GAD2: variants seen among roughly 807,000 people sequenced by gnomAD.
GAD2 encodes 65 kDa glutamic acid decarboxylase.
A neutral mutation model predicts 80.1 loss-of-function variants in GAD2; 22 were observed. That is an observed-to-expected ratio of 0.27 (90% CI 0.20 to 0.39). The LOEUF (loss-of-function observed/expected upper bound fraction) is 0.39. Among genes scored for constraint, GAD2 ranks in the 10% least tolerant of loss-of-function variants. The pLI, the probability that GAD2 is intolerant of heterozygous loss-of-function variation, is 1.00. For missense variants in GAD2, 624 were observed against 738.4 expected (o/e 0.85, Z 1.80); for synonymous variants, 274 against 256.9 (o/e 1.07, Z -0.64).
At chr10:26,261,931 T>G (rs772319523) in intron 8 of GAD2, among the ~76,000 whole-genome samples, 9 of 152,230 alleles carry the variant, frequency 5.9e-5, no homozygotes, top group Non-Finnish European at 1.3e-4. Flanking sequence ...TTCCTAGTAG[T>G]ACACACCTTT....
At position 26,275,756 on chromosome 10, in the gene GAD2, C is replaced by G. The variant is rs149090668; in HGVS notation, c.1157+2056C>G. The stretch of plus-strand genomic sequence containing the variant: ...TGACATTTTTCCAAGCTCCGCAAAC[C>G]AAAGTTTAGAACTCACCCTAAAAGT... On this transcript the variant is annotated intron_variant, in intron 11 of 15. Transcript: ENST00000376261. Among the ~76,000 whole-genome samples, 801 of 152,308 alleles carry G rather than the reference C, an allele frequency of 5.3e-3. 10 individuals are homozygous for G. The highest frequency in any genetic ancestry group is 0.018 in the African/African-American group (759 of 41,560).
At chr10:26,256,496 G>A (rs112450088) in intron 8 of GAD2, among the ~76,000 whole-genome samples, 3,775 of 152,236 alleles carry the variant, frequency 0.025, 68 homozygotes, top group Middle Eastern at 0.078. Context: ...GGGATCACAC[G>A]TGGCATTTAG....
At chr10:26,293,172 CTTTT>C (rs987030977) in intron 15 of GAD2, among the ~76,000 whole-genome samples, 181 bp downstream of exon 15, 48 of 96,424 alleles carry the variant, frequency 5.0e-4, no homozygotes, top group Middle Eastern at 6.8e-3. Flanking sequence ...CATTTTTCTT[CTTTT>C]TTTTTTTTTT....
chr10:26,222,469 C>T (rs184890411), intron 4 of GAD2, among the ~76,000 whole-genome samples: 3 of 151,930 alleles, frequency 2.0e-5, no homozygotes, highest in East Asian at 1.9e-4. Context: ...ATTTCAGCTG[C>T]GAGCATAATG....
intron 11 of GAD2, among the ~76,000 whole-genome samples, chr10:26,277,293 G>C (rs184259578): frequency 6.6e-6 from 1 of 152,354 alleles, no homozygotes; most frequent in Admixed American, 6.5e-5. Context: ...GTCATGGGTG[G>C]AAAGTGCAGA....
intron 4 of GAD2, 37 bp downstream of exon 4, chr10:26,219,313 G>C: frequency 7.8e-7 from 1 of 1,288,580 alleles, no homozygotes; most frequent in Non-Finnish European, 1.1e-6. Context: ...CTCTTTTTTC[G>C]TTTACAATTT....
At chr10:26,256,216 G>T (rs1844940827) in intron 8 of GAD2, among the ~76,000 whole-genome samples, 1 of 151,816 alleles carries the variant, frequency 6.6e-6, no homozygotes, top group African/African-American at 2.4e-5. Flanking sequence ...AATATTGTAT[G>T]TATTAATTAT....
chr10:26,249,834 G>A (rs1175471056), intron 8 of GAD2, among the ~76,000 whole-genome samples: 2 of 152,110 alleles, frequency 1.3e-5, no homozygotes, highest in Non-Finnish European at 2.9e-5. Context: ...AGACCAAGAA[G>A]GGAAAACAGA....
upstream of GAD2, chr10:26,216,678 G>C (rs1338484868): frequency 3.6e-6 from 2 of 555,798 alleles, no homozygotes; most frequent in African/African-American, 2.0e-5. This position sits in a 1 kb window ranked among gnomAD's most constrained non-coding sequence, Gnocchi z 4.7. Context: ...CGCCCTCGCC[G>C]CTCGGCCCCG....
chr10:26,266,978 T>C (rs1165585284), intron 8 of GAD2, among the ~76,000 whole-genome samples: 1 of 152,226 alleles, frequency 6.6e-6, no homozygotes, highest in Non-Finnish European at 1.5e-5. Flanking sequence ...GTTGCCTTAT[T>C]TGAAAAATGA....
intron 11 of GAD2, 78 bp downstream of exon 11, chr10:26,273,778 G>T: frequency 8.1e-7 from 1 of 1,238,682 alleles, no homozygotes; most frequent in Non-Finnish European, 1.2e-6. Flanking sequence ...CAATTTCCAG[G>T]AACTTTTGGA....
intron 12 of GAD2, 39 bp downstream of exon 12, chr10:26,281,126 G>C: frequency 1.4e-6 from 2 of 1,426,530 alleles, no homozygotes; most frequent in Non-Finnish European, 2.0e-6. Flanking sequence ...TCCGTGCGTG[G>C]GCTTTGACTG....
chr10:26,227,903 G>C (rs918541182), intron 6 of GAD2, among the ~76,000 whole-genome samples: 3 of 152,222 alleles, frequency 2.0e-5, no homozygotes, highest in African/African-American at 7.2e-5. Flanking sequence ...CAGAAAGGAA[G>C]GAATCGCCCT....
At chr10:26,232,227 G>A (rs900530344) in intron 7 of GAD2, among the ~76,000 whole-genome samples, 28 of 152,244 alleles carry the variant, frequency 1.8e-4, no homozygotes, top group African/African-American at 6.5e-4. Context: ...AAAAAGTCCA[G>A]ATGATCTTTT....
rs765338722 is a variant in GAD2, at chr10:26,219,229, A to G, written c.473A>G (p.Glu158Gly). The G allele has an allele frequency of 2.5e-6, 4 of 1,613,734 alleles. No homozygotes were observed. ...ELADQPQNLE[E>G]ILMHCQTTLK... ...GCAGACCAACCACAAAATTTGGAGG[A>G]AATTTTGATGCATTGCCAAACAACT... Residue 158 changes from glutamate to glycine, a missense_variant, in exon 4 of 16, where the codon GAA (glutamate) becomes GGA (glycine). Transcript: ENST00000376261.
intron 8 of GAD2, among the ~76,000 whole-genome samples, chr10:26,252,083 G>A (rs190916214): frequency 1.6e-4 from 25 of 152,278 alleles, no homozygotes; most frequent in Admixed American, 5.9e-4. Context: ...CTTGTTTCCC[G>A]TAATGCGCTT....
intron 6 of GAD2, 119 bp downstream of exon 6, chr10:26,224,770 T>C (rs1844500366): frequency 1.5e-6 from 1 of 686,928 alleles, no homozygotes; most frequent in Non-Finnish European, 2.5e-6. Flanking sequence ...AGACTGTGTG[T>C]TGATCAAAAG....
At chr10:26,252,465 C>A (rs1443363816) in intron 8 of GAD2, among the ~76,000 whole-genome samples, 1 of 152,132 alleles carries the variant, frequency 6.6e-6, no homozygotes, top group Admixed American at 6.5e-5. Context: ...GCCTCAGCCT[C>A]CCAAGTAGCT....
intron 12 of GAD2, among the ~76,000 whole-genome samples, chr10:26,282,426 GAAAT>G (rs561421671): frequency 1.5e-3 from 224 of 151,566 alleles, no homozygotes; most frequent in African/African-American, 5.3e-3. Flanking sequence ...ATTTTTTCTA[GAAAT>G]AAATATATTT....
Sources: allele counts gnomAD v4.1 joint callset (sites outside exome capture counted in the v4.1 genomes callset), GRCh38; gene constraint gnomAD v4.1.1; non-coding constraint Gnocchi (gnomAD v3.1); transcripts MANE v1.5; gene names NCBI Gene and HGNC (gene_info 2026-07-23, HGNC 2026-07-21).